Variants in CMTM8 observed in about 807,000 individuals in gnomAD.
The protein encoded by CMTM8 is CKLF-like MARVEL transmembrane domain-containing protein 8.
Under a neutral mutation model 18.6 loss-of-function variants are expected in CMTM8, and 12 were observed. The observed-to-expected ratio is 0.65, with a 90% CI of 0.41 to 1.05. The LOEUF is 1.05. CMTM8 is among the 50% of genes least tolerant of loss of function. The probability of loss-of-function intolerance (pLI) is 0.00; values close to 1 mark genes in which losing one functional copy is unlikely to be tolerated. For synonymous variants in CMTM8, 87 were observed against 90.6 expected (o/e 0.96, Z 0.23); for missense variants, 217 against 227.2 (o/e 0.95, Z 0.29).
chr3:32,309,249 G>A (rs966459604), intron 1 of CMTM8, among the ~76,000 whole-genome samples: 7 of 150,516 alleles, frequency 4.7e-5, no homozygotes, highest in African/African-American at 1.7e-4. Flanking sequence ...GCTGATTTGG[G>A]TTTAAACTTG....
At chr3:32,325,006 G>T (rs1428924664) in intron 1 of CMTM8, among the ~76,000 whole-genome samples, 2 of 152,210 alleles carry the variant, frequency 1.3e-5, no homozygotes, top group African/African-American at 4.8e-5. Flanking sequence ...TTTCCTTCTG[G>T]TGCAGGGAGG....
At chr3:32,349,638 A>G (rs887722543) in intron 1 of CMTM8, among the ~76,000 whole-genome samples, 1 of 152,162 alleles carries the variant, frequency 6.6e-6, no homozygotes, top group East Asian at 1.9e-4. Flanking sequence ...GCTGGCATCA[A>G]GTACGTAGAG....
At chr3:32,340,841 C>T (rs1391724798) in intron 1 of CMTM8, among the ~76,000 whole-genome samples, 1 of 152,242 alleles carries the variant, frequency 6.6e-6, no homozygotes, top group East Asian at 1.9e-4. Flanking sequence ...ATGGCGAATT[C>T]CTCCTGTGCA....
intron 1 of CMTM8, among the ~76,000 whole-genome samples, chr3:32,275,272 C>T (rs952213800): frequency 1.3e-5 from 2 of 152,018 alleles, no homozygotes; most frequent in Non-Finnish European, 2.9e-5. Context: ...ATCTTGGCCT[C>T]CCAAAGTGCT....
At chr3:32,249,392 T>C (rs1018849704) in intron 1 of CMTM8, among the ~76,000 whole-genome samples, 23 of 149,286 alleles carry the variant, frequency 1.5e-4, no homozygotes, top group African/African-American at 4.7e-4. Flanking sequence ...ATTGTGCCAC[T>C]GCACTCCAGC....
chr3:32,344,402 C>A (rs759249705), intron 1 of CMTM8, among the ~76,000 whole-genome samples: 1 of 152,156 alleles, frequency 6.6e-6, no homozygotes, highest in Non-Finnish European at 1.5e-5. Context: ...AACTTATGTC[C>A]TATAGCAATG....
chr3:32,267,752 C>T (rs1422694606), intron 1 of CMTM8, among the ~76,000 whole-genome samples: 2 of 151,920 alleles, frequency 1.3e-5, no homozygotes, highest in Admixed American at 6.6e-5. Flanking sequence ...AACAAATTTA[C>T]AAGAAAAAAA....
At chr3:32,309,949 T>C (rs1559376252) in intron 1 of CMTM8, among the ~76,000 whole-genome samples, 2 of 152,202 alleles carry the variant, frequency 1.3e-5, no homozygotes, top group Non-Finnish European at 1.5e-5. Flanking sequence ...ACCCTCAACC[T>C]TGCCTGGTCA....
intron 1 of CMTM8, among the ~76,000 whole-genome samples, chr3:32,272,135 A>G (rs1243015031): frequency 6.6e-6 from 1 of 152,198 alleles, no homozygotes; most frequent in Non-Finnish European, 1.5e-5. Flanking sequence ...AGTGCATTTG[A>G]AAGTATCATT....
intron 1 of CMTM8, among the ~76,000 whole-genome samples, chr3:32,300,097 G>A (rs1695585639): frequency 6.6e-6 from 1 of 152,166 alleles, no homozygotes; most frequent in African/African-American, 2.4e-5. Context: ...TCTTCAGATC[G>A]AAGACCCAAA....
chr3:32,291,817 C>T (rs1290910250), intron 1 of CMTM8, among the ~76,000 whole-genome samples: 2 of 152,194 alleles, frequency 1.3e-5, no homozygotes, highest in African/African-American at 4.8e-5. Flanking sequence ...GGCTGGGTCC[C>T]AAGCCCTGCC....
At position 32,244,044 on chromosome 3, in the gene CMTM8, T is replaced by G. The variant is rs55767095; in HGVS notation, c.147+4925T>G. The G allele has an allele frequency of 8.9e-3, 1,502 of 168,578 alleles. 22 individuals are homozygous for G. Among genetic ancestry groups the G allele is most frequent in the African/African-American group, 0.033 (1,408 of 42,080 alleles). The allele number at this position is 168,578 out of a possible 1,614,324, so 10.4% of individuals were successfully genotyped here. The stretch of plus-strand genomic sequence containing the variant: ...GGTAGACCAACTTTGAATTCACTCC[T>G]GATCAACATAGCTGCCCCCTGCGCC... On this transcript the variant is annotated intron_variant, in intron 1 of 3. Coordinates refer to ENST00000307526, the MANE Select transcript of CMTM8 (RefSeq NM_178868.5).
chr3:32,239,143 G>A (rs1319818665), intron 1 of CMTM8, 24 bp downstream of exon 1: 1 of 1,580,058 alleles, frequency 6.3e-7, no homozygotes, highest in African/African-American at 1.4e-5. Flanking sequence ...GGCCGGGGGT[G>A]GCGGGGGGCT....
chr3:32,280,725 G>C (rs1276290484), intron 1 of CMTM8, among the ~76,000 whole-genome samples: 7 of 151,700 alleles, frequency 4.6e-5, no homozygotes, highest in African/African-American at 1.7e-4. Flanking sequence ...ACCCGTCACT[G>C]GTAACATAAG....
At chr3:32,252,101 TA>T (rs963076855) in intron 1 of CMTM8, among the ~76,000 whole-genome samples, 10 of 151,852 alleles carry the variant, frequency 6.6e-5, no homozygotes. Flanking sequence ...TCAGAAAAAA[TA>T]AAAAAAATTT....
intron 1 of CMTM8, among the ~76,000 whole-genome samples, chr3:32,337,490 C>T (rs1475371384): frequency 2.0e-5 from 3 of 152,190 alleles, no homozygotes; most frequent in African/African-American, 7.2e-5. Context: ...GACCCAGGAC[C>T]ATGATCCAAG....
At position 32,348,692 on chromosome 3, in the gene CMTM8, G is replaced by A. The variant is rs191857430; in HGVS notation, c.148-8681G>A. On this transcript the variant is annotated intron_variant, in intron 1 of 3. Coordinates refer to ENST00000307526, the MANE Select transcript of CMTM8 (RefSeq NM_178868.5). ...TTTTGTATTTTTTTGGTAGAGATGG[G>A]GTTTTGCCATGTTACCCAGGCTGGT... Among the ~76,000 whole-genome samples, 364 of 151,636 alleles carry A rather than the reference G, an allele frequency of 2.4e-3. 2 individuals carry two copies. The highest frequency in any genetic ancestry group is 8.4e-3 in the African/African-American group (346 of 41,362).
intron 3 of CMTM8, 108 bp downstream of exon 3, chr3:32,368,096 G>A: frequency 1.3e-6 from 1 of 768,664 alleles, no homozygotes; most frequent in Non-Finnish European, 2.3e-6. Context: ...TTGCAGTAGT[G>A]ACAAATTAGC....
intron 1 of CMTM8, among the ~76,000 whole-genome samples, chr3:32,264,033 A>G (rs1445792805): frequency 6.6e-6 from 1 of 152,208 alleles, no homozygotes; most frequent in Non-Finnish European, 1.5e-5. Flanking sequence ...TCTGCAGGAT[A>G]TTATCCAGGA....
Sources: allele counts gnomAD v4.1 joint callset (sites outside exome capture counted in the v4.1 genomes callset), GRCh38; gene constraint gnomAD v4.1.1; transcripts MANE v1.5; gene names NCBI Gene and HGNC (gene_info 2026-07-23, HGNC 2026-07-21).